RANBP17: variants seen among roughly 807,000 people sequenced by gnomAD.
RANBP17 encodes RAN binding protein 17, also known as ran-binding protein 17.
A neutral mutation model predicts 141.2 loss-of-function variants in RANBP17; 158 were observed. The ratio of observed to expected loss-of-function variants is 1.12; its 90% confidence interval spans 0.98 to 1.28. The LOEUF (loss-of-function observed/expected upper bound fraction) is 1.28, where lower values mean the gene tolerates loss of function less well. Ranked by LOEUF, RANBP17 falls within the 50% of genes most tolerant of loss-of-function variation. RANBP17 has a pLI of 0.00. For missense variants in RANBP17, 1,438 were observed against 1,290.7 expected, an observed-to-expected ratio of 1.11 and a Z score of -1.75; for synonymous variants, 430 against 450.0, an observed-to-expected ratio of 0.96 and a Z score of 0.56.
chr5:171,118,293 C>A (rs1488334822), intron 14 of RANBP17, among the ~76,000 whole-genome samples: 1 of 152,164 alleles, frequency 6.6e-6, no homozygotes, highest in Non-Finnish European at 1.5e-5. Flanking sequence ...GTTTAGCTTA[C>A]TACAGCTTTG....
intron 24 of RANBP17, among the ~76,000 whole-genome samples, chr5:171,259,989 A>C (rs1766184183): frequency 1.3e-5 from 2 of 151,520 alleles, no homozygotes; most frequent in South Asian, 2.1e-4. Flanking sequence ...AAAAATCAAT[A>C]AATAAATATA....
chr5:171,024,130 C>T (rs746187844), intron 14 of RANBP17, among the ~76,000 whole-genome samples: 8 of 152,166 alleles, frequency 5.3e-5, no homozygotes, highest in Non-Finnish European at 8.8e-5. Flanking sequence ...ATGAAATTTG[C>T]ATTCCATTGG....
At chr5:171,261,836 C>A (rs920674800) in intron 24 of RANBP17, among the ~76,000 whole-genome samples, 1 of 152,158 alleles carries the variant, frequency 6.6e-6, no homozygotes, top group Non-Finnish European at 1.5e-5. Flanking sequence ...GTAGCTTGAG[C>A]TGCAAATAAA....
At chr5:171,063,863 A>C (rs962695164) in intron 14 of RANBP17, among the ~76,000 whole-genome samples, 7 of 152,218 alleles carry the variant, frequency 4.6e-5, no homozygotes, top group Admixed American at 3.3e-4. Context: ...AGCCTGGGCA[A>C]TGGCGGGCGC....
At chr5:171,097,378 T>C (rs1206074362) in intron 14 of RANBP17, among the ~76,000 whole-genome samples, 5 of 152,086 alleles carry the variant, frequency 3.3e-5, no homozygotes, top group Non-Finnish European at 5.9e-5. Context: ...CAGAAAGGGC[T>C]GTTAGACCAT....
At chr5:170,896,309 A>G (rs766524580) in intron 5 of RANBP17, 194 bp downstream of exon 5, 4 of 559,306 alleles carry the variant, frequency 7.2e-6, no homozygotes, top group African/African-American at 3.9e-5. Context: ...GTTATTGAAG[A>G]TATCTGCAAT....
chr5:170,989,001 A>G (rs1301687364), intron 14 of RANBP17, among the ~76,000 whole-genome samples: 1 of 151,798 alleles, frequency 6.6e-6, no homozygotes, highest in Non-Finnish European at 1.5e-5. Context: ...TGCTTAAAGT[A>G]AGATCATGTG....
intron 14 of RANBP17, among the ~76,000 whole-genome samples, chr5:171,066,932 A>G (rs1165814627): frequency 6.6e-6 from 1 of 152,202 alleles, no homozygotes; most frequent in African/African-American, 2.4e-5. Context: ...CTGTAATTCA[A>G]AGCCATATGA....
chr5:171,054,263 A>G (rs1783194171), intron 14 of RANBP17, among the ~76,000 whole-genome samples: 2 of 152,154 alleles, frequency 1.3e-5, no homozygotes, highest in Non-Finnish European at 2.9e-5. Flanking sequence ...AAGTAAAGGA[A>G]TAAAGAATGA....
chr5:171,273,285 G>A (rs1018572276), intron 25 of RANBP17, among the ~76,000 whole-genome samples: 1 of 152,192 alleles, frequency 6.6e-6, no homozygotes, highest in African/African-American at 2.4e-5. Flanking sequence ...AATTTCTGCT[G>A]TTGAGTACCA....
chr5:171,214,898 T>A (rs977570875), intron 21 of RANBP17, among the ~76,000 whole-genome samples: 12 of 152,068 alleles, frequency 7.9e-5, no homozygotes, highest in East Asian at 1.9e-4. Flanking sequence ...ATTTTTTTTT[T>A]AAATTTAAGT....
intron 25 of RANBP17, among the ~76,000 whole-genome samples, chr5:171,277,772 A>G: frequency 6.7e-6 from 1 of 148,792 alleles, no homozygotes; most frequent in Non-Finnish European, 1.5e-5. Context: ...AGTATCATAC[A>G]GCTAATAAGT....
At chr5:171,037,013 A>AG (rs747383063) in intron 14 of RANBP17, among the ~76,000 whole-genome samples, 5 of 152,230 alleles carry the variant, frequency 3.3e-5, no homozygotes, top group Admixed American at 1.3e-4. Context: ...AGAAATCCCA[A>AG]GGTACTTTCC....
chr5:171,064,541 G>A (rs1207002904), intron 14 of RANBP17, among the ~76,000 whole-genome samples: 1 of 152,050 alleles, frequency 6.6e-6, no homozygotes, highest in Non-Finnish European at 1.5e-5. Context: ...CTGTTGCCCA[G>A]GCTGTAGTAC....
Position 171,183,337 on chromosome 5 carries a change from TTTC to T in RANBP17, c.1948_1950del (p.Leu650del). 1 of 1,613,924 alleles carries T rather than the reference TTTC, an allele frequency of 6.2e-7. No homozygotes were observed. The highest frequency in any genetic ancestry group is 8.5e-7 in the Non-Finnish European group (1 of 1,179,800). ...CTTTCATTAGAGTGAACACTTCCCT[TTTC>T]TTGGCATCAGTGACAATCATAGTCT... On this transcript the variant is annotated inframe_deletion, in exon 18 of 28. Transcript: ENST00000523189.
At chr5:171,066,594 A>G (rs1007402091) in intron 14 of RANBP17, among the ~76,000 whole-genome samples, 5 of 152,180 alleles carry the variant, frequency 3.3e-5, no homozygotes, top group Non-Finnish European at 7.4e-5. Flanking sequence ...GGTTGATTCC[A>G]TATCTTGTCT....
At chr5:170,888,914 T>C (rs1013889761) in intron 3 of RANBP17, among the ~76,000 whole-genome samples, 2 of 152,122 alleles carry the variant, frequency 1.3e-5, no homozygotes, top group African/African-American at 4.8e-5. Flanking sequence ...TTCATCACCA[T>C]TCAACATCAA....
intron 12 of RANBP17, among the ~76,000 whole-genome samples, chr5:170,939,101 A>G (rs930358912): frequency 1.1e-5 from 1 of 90,804 alleles, no homozygotes; most frequent in Non-Finnish European, 2.8e-5. Context: ...TGGAAGCCAG[A>G]AGGTGTTAGA....
rs75742163 is a variant in RANBP17 at position 170,986,591 on chromosome 5, A to G, written c.1710+18214A>G. ...ATATATATATACCTGTGATGTACCC[A>G]TAATAATTGCAAATCTAGAAATTTT... is the stretch of plus-strand genomic sequence containing the variant. On this transcript the variant is annotated intron_variant, in intron 14 of 27. Transcript: ENST00000523189. Among the ~76,000 whole-genome samples, 1,145 of 151,990 alleles carry G rather than the reference A, an allele frequency of 7.5e-3. 13 individuals are homozygous for G. The highest frequency in any genetic ancestry group is 0.026 in the African/African-American group (1,084 of 41,514).
Sources: allele counts gnomAD v4.1 joint callset (sites outside exome capture counted in the v4.1 genomes callset), GRCh38; gene constraint gnomAD v4.1.1; transcripts MANE v1.5; gene names NCBI Gene and HGNC (gene_info 2026-07-23, HGNC 2026-07-21).